Variants in KIF26B observed in about 807,000 individuals in gnomAD.
KIF26B encodes the protein kinesin-like protein KIF26B.
KIF26B carries 63 observed loss-of-function variants against 151.2 expected under a neutral mutation model. The observed-to-expected ratio is 0.42, with a 90% CI of 0.34 to 0.51. The LOEUF is 0.51. Among genes scored for constraint, KIF26B ranks in the 20% least tolerant of loss-of-function variants. KIF26B has a pLI of 0.07. For missense variants in KIF26B, 2,813 were observed against 2,913.6 expected (o/e 0.97, Z 0.79); for synonymous variants, 1,357 against 1,262.1 (o/e 1.08, Z -1.59).
At chr1:245,426,459 CG>C (rs1291172645) in intron 4 of KIF26B, among the ~76,000 whole-genome samples, 1 of 152,208 alleles carries the variant, frequency 6.6e-6, no homozygotes, top group Admixed American at 6.5e-5. Flanking sequence ...TCCTTGCCGT[CG>C]GCCCAAACAC....
At chr1:245,228,509 T>C (rs145480499) in intron 2 of KIF26B, among the ~76,000 whole-genome samples, 1,970 of 149,878 alleles carry the variant, frequency 0.013, 20 homozygotes, top group Middle Eastern at 0.025. Context: ...GAGGTTGCAG[T>C]GAGCCGAGAT....
chr1:245,386,366 A>G (rs1045143740), intron 3 of KIF26B, among the ~76,000 whole-genome samples: 1 of 148,736 alleles, frequency 6.7e-6, no homozygotes, highest in East Asian at 2.0e-4. Context: ...TATTCTTCCT[A>G]TCTAACTGAG....
chr1:245,359,874 CT>C (rs766845350), intron 2 of KIF26B, among the ~76,000 whole-genome samples: 1,462 of 139,432 alleles, frequency 0.01, 19 homozygotes, highest in East Asian at 0.044. Context: ...TTCTTTCTTT[CT>C]TTTTTTTTTT....
In KIF26B at chr1:245,268,167, G is replaced by A. The variant is rs538964645; in HGVS notation, c.466-98667G>A. Reference sequence around the variant, plus strand: ...AGGCTGGGTGACACAGCAGGACCCCGTCTGTAAAGAAATAATAACAGGCCT... The same window carrying A: ...AGGCTGGGTGACACAGCAGGACCCCATCTGTAAAGAAATAATAACAGGCCT... On this transcript the variant is annotated intron_variant, in intron 2 of 14. Coordinates refer to ENST00000407071, the MANE Select transcript of KIF26B (RefSeq NM_018012.4). Among the ~76,000 whole-genome samples the A allele has an allele frequency of 4.6e-5, 7 of 151,944 alleles. No individual in the cohort carries two copies. In the East Asian group the frequency reaches 9.7e-4, roughly 21 times the overall value.
At chr1:245,644,391 A>C (rs2043924942) in intron 9 of KIF26B, among the ~76,000 whole-genome samples, 1 of 152,076 alleles carries the variant, frequency 6.6e-6, no homozygotes, top group African/African-American at 2.4e-5. Context: ...GAACATCTGA[A>C]ATACAGTTGA....
intron 2 of KIF26B, among the ~76,000 whole-genome samples, chr1:245,348,570 G>A (rs2102999299): frequency 6.6e-6 from 1 of 152,238 alleles, no homozygotes. Context: ...AGCTCTCTGG[G>A]TCCCCTTTCT....
rs537996548 is a variant in KIF26B, at chr1:245,444,804, A to G, written c.1166+25059A>G. 4.0e-4 allele frequency among the ~76,000 whole-genome samples: 61 copies of G among 152,352 alleles called. 1 individual carries two copies. Among genetic ancestry groups the G allele is most frequent in the African/African-American group, 1.4e-3 (59 of 41,582 alleles). ...AATGACGTGAGGGGTTGCCCAAGAC[A>G]GGGATCCTTCCCATCTGAAACCATG... On this transcript the variant is annotated intron_variant, in intron 4 of 14. Coordinates refer to ENST00000407071, the MANE Select transcript of KIF26B (RefSeq NM_018012.4).
At chr1:245,573,492 C>A (rs1020347833) in intron 5 of KIF26B, among the ~76,000 whole-genome samples, 4 of 152,054 alleles carry the variant, frequency 2.6e-5, no homozygotes, top group African/African-American at 7.3e-5. Flanking sequence ...CACTGCAATC[C>A]AGCCTGGGTG....
chr1:245,425,431 G>A (rs539453300), intron 4 of KIF26B, among the ~76,000 whole-genome samples: 80 of 152,144 alleles, frequency 5.3e-4, no homozygotes, highest in African/African-American at 1.9e-3. Context: ...TTTTGAGATG[G>A]AGTCTCGCTC....
At chr1:245,171,059 G>C (rs925360791) in intron 2 of KIF26B, among the ~76,000 whole-genome samples, 3 of 152,200 alleles carry the variant, frequency 2.0e-5, no homozygotes, top group Non-Finnish European at 4.4e-5. Flanking sequence ...AGAGAGTGGA[G>C]GAATGCAGTG....
chr1:245,552,566 G>A (rs189372823), intron 5 of KIF26B, among the ~76,000 whole-genome samples: 27 of 151,494 alleles, frequency 1.8e-4, no homozygotes, highest in Admixed American at 1.5e-3. Context: ...CTTCCCATCC[G>A]TATAAGGCCT....
At chr1:245,608,946 G>A (rs191033971) in intron 7 of KIF26B, among the ~76,000 whole-genome samples, 5 of 152,074 alleles carry the variant, frequency 3.3e-5, no homozygotes, top group Admixed American at 3.3e-4. Context: ...TAGAGGCAGG[G>A]TCTCCGTATG....
At chr1:245,306,958 T>G (rs962767554) in intron 2 of KIF26B, among the ~76,000 whole-genome samples, 3 of 152,214 alleles carry the variant, frequency 2.0e-5, no homozygotes, top group Admixed American at 1.3e-4. Context: ...TGTGAAATTA[T>G]TAGATGTGAT....
rs1490829329 is a variant in KIF26B, at chr1:245,318,004, A to T, written c.466-48830A>T. Among the ~76,000 whole-genome samples the T allele has an allele frequency of 1.7e-4, 26 of 152,180 alleles. No individual in the cohort carries two copies. Among genetic ancestry groups the T allele is most frequent in the Admixed American group, 1.7e-3 (26 of 15,282 alleles). On this transcript the variant is annotated intron_variant, in intron 2 of 14. Coordinates refer to ENST00000407071, the MANE Select transcript of KIF26B (RefSeq NM_018012.4). This position sits in a 1 kb window ranked among gnomAD's most constrained non-coding sequence, Gnocchi z 4.0. ...TAATGTCTCTAACACTACAGGTTAC[A>T]CTTCACCTGATTTCCAGGTTAGTGC...
rs1052776095 is a variant in KIF26B at position 245,369,506 on chromosome 1, C to T, written c.999+2139C>T. ...TTGGACGGTCGAAATTTTCACTTAA[C>T]TGGGTGCTTTCTAATTTACAAAATC... On this transcript the variant is annotated intron_variant, in intron 3 of 14. Transcript: ENST00000407071. Among the ~76,000 whole-genome samples, 32 of 152,188 alleles carry T rather than the reference C, an allele frequency of 2.1e-4. 1 individual carries two copies. Among genetic ancestry groups the T allele is most frequent in the African/African-American group, 7.2e-4 (30 of 41,450 alleles).
intron 4 of KIF26B, among the ~76,000 whole-genome samples, chr1:245,454,238 T>C (rs576980708): frequency 2.0e-5 from 3 of 152,338 alleles, no homozygotes; most frequent in African/African-American, 4.8e-5. Flanking sequence ...GCCATAACCT[T>C]ATAGCCTCTA....
chr1:245,303,553 T>A (rs1671483542), intron 2 of KIF26B, among the ~76,000 whole-genome samples: 1 of 152,212 alleles, frequency 6.6e-6, no homozygotes, highest in Admixed American at 6.5e-5. Context: ...TACATCAACT[T>A]ACATGATTTA....
chr1:245,325,027 G>A (rs146723404), intron 2 of KIF26B, among the ~76,000 whole-genome samples: 1,885 of 149,810 alleles, frequency 0.013, 42 homozygotes, highest in African/African-American at 0.044. Flanking sequence ...CCCAGGAGGC[G>A]GAGCTTGCAG....
intron 5 of KIF26B, among the ~76,000 whole-genome samples, chr1:245,587,445 G>A (rs1285741838): frequency 1.3e-5 from 2 of 152,178 alleles, no homozygotes; most frequent in Non-Finnish European, 2.9e-5. Flanking sequence ...AGTGAAGGAA[G>A]GAATGGATTT....
Sources: gnomAD v4.1 joint callset for allele counts (sites outside exome capture counted in the v4.1 genomes callset) on GRCh38, gnomAD v4.1.1 for gene constraint, Gnocchi (gnomAD v3.1) non-coding constraint, MANE v1.5 for transcripts, NCBI Gene and HGNC (gene_info 2026-07-23, HGNC 2026-07-21) for gene names.